ADAMTS9: variants seen among roughly 807,000 people sequenced by gnomAD.
ADAMTS9 encodes A disintegrin and metalloproteinase with thrombospondin motifs 9.
Under a neutral mutation model 257.1 loss-of-function variants are expected in ADAMTS9, and 107 were observed. The ratio of observed to expected loss-of-function variants is 0.42; its 90% CI spans 0.36 to 0.49. The LOEUF is 0.49. Ranked by LOEUF, ADAMTS9 falls within the 20% of genes least tolerant of loss-of-function variation. The pLI, the probability that ADAMTS9 is intolerant of heterozygous loss-of-function variation, is 0.03. For missense variants in ADAMTS9, 2,353 were observed against 2,469.1 expected, an observed-to-expected ratio of 0.95 and a Z score of 1.00; for synonymous variants, 982 against 880.9, an observed-to-expected ratio of 1.11 and a Z score of -2.03.
At chr3:64,540,531 C>T (rs934981187) in intron 36 of ADAMTS9, among the ~76,000 whole-genome samples, 10 of 152,252 alleles carry the variant, frequency 6.6e-5, no homozygotes, top group African/African-American at 2.2e-4. Context: ...ATTAGTTTTA[C>T]GTCTGTGTAA....
chr3:64,677,859 T>C (rs1352081284), intron 3 of ADAMTS9, among the ~76,000 whole-genome samples: 4 of 152,214 alleles, frequency 2.6e-5, no homozygotes, highest in Non-Finnish European at 5.9e-5. Flanking sequence ...GATGGCTAAC[T>C]GAATAAATGC....
In ADAMTS9 at chr3:64,604,349, A is replaced by G. The variant is rs763416198; in HGVS notation, c.3475-18T>C. On this transcript the variant is annotated intron_variant, in intron 23 of 39. Coordinates refer to ENST00000498707, the MANE Select transcript of ADAMTS9 (RefSeq NM_182920.2). Reference sequence around the variant, plus strand: ...TCACAGTCCTAGACGTGATGGGGGAAAAAAAAACAAAGTCACTTTCAAGTC... The same window carrying G: ...TCACAGTCCTAGACGTGATGGGGGAGAAAAAAACAAAGTCACTTTCAAGTC... 2.0e-6 allele frequency: 3 copies of G among 1,531,682 alleles called. No homozygotes were observed. Among genetic ancestry groups the G allele is most frequent in the Non-Finnish European group, 2.7e-6 (3 of 1,129,948 alleles). 94.9% of individuals were successfully genotyped at this position (1,531,682 alleles called of 1,614,324 possible). A position where few individuals can be genotyped will look rare whatever the true frequency, so the allele number is the denominator to read the frequency against.
rs1701959157 is a variant in ADAMTS9, at chr3:64,687,749, G to A, written c.-92C>T. On this transcript the variant is annotated 5_prime_UTR_variant, in exon 1 of 40. Coordinates refer to ENST00000498707, the MANE Select transcript of ADAMTS9 (RefSeq NM_182920.2). The surrounding 1 kb of genome is among the most constrained non-coding windows in gnomAD (Gnocchi z 4.4). ...CGACGCGAGGCAGCGGCCGTGGAGAGCGCGCGGAGCCCGGCGCCCGCCGCC... is the reference window on the plus strand; with the variant it reads ...CGACGCGAGGCAGCGGCCGTGGAGAACGCGCGGAGCCCGGCGCCCGCCGCC... 1 of 1,036,070 alleles carries A rather than the reference G, an allele frequency of 9.7e-7. No individual in the cohort carries two copies. Among genetic ancestry groups the A allele is most frequent in the East Asian group, 3.2e-5 (1 of 31,098 alleles). The allele number at this position is 1,036,070 out of a possible 1,614,324, so 64.2% of individuals were successfully genotyped here.
At chr3:64,525,833 ACTC>A (rs1354277106) in intron 38 of ADAMTS9, among the ~76,000 whole-genome samples, 1 of 151,184 alleles carries the variant, frequency 6.6e-6, no homozygotes. Context: ...CTGGTCTCGA[ACTC>A]CTGACCTCAA....
chr3:64,635,283 A>C (rs545926172), intron 12 of ADAMTS9, among the ~76,000 whole-genome samples: 11 of 152,324 alleles, frequency 7.2e-5, no homozygotes, highest in African/African-American at 2.6e-4. Flanking sequence ...CTTTGCAGTT[A>C]CAAGCTGGGG....
chr3:64,571,085 A>G (rs1465541595), intron 28 of ADAMTS9, among the ~76,000 whole-genome samples: 1 of 152,208 alleles, frequency 6.6e-6, no homozygotes, highest in Non-Finnish European at 1.5e-5. Flanking sequence ...TATATAAGGG[A>G]AAAGAGAGTT....
intron 38 of ADAMTS9, among the ~76,000 whole-genome samples, chr3:64,529,021 T>A (rs771837343): frequency 7.9e-5 from 12 of 152,114 alleles, no homozygotes. Context: ...AAGGGCTGAG[T>A]TGCGGCAGGT....
Position 64,601,987 on chromosome 3 carries a change from T to C in ADAMTS9, c.3974A>G (p.His1325Arg). 1.2e-6 allele frequency: 2 copies of C among 1,613,690 alleles called. No homozygotes were observed. Among genetic ancestry groups the C allele is most frequent in the Non-Finnish European group, 1.7e-6 (2 of 1,179,774 alleles). ...RPRSASPSRT[H>R]VLGGNQWRTG... ...TCTCCACTGGTTTCCACCGAGCACA[T>C]GGGTGCGGCTGGGGCTGGCGCTCCG... The change falls in exon 26 of 40, where the codon CAT becomes CGT. Residue 1325 changes from histidine (H) to arginine (R), a missense_variant. Transcript: ENST00000498707.
intron 3 of ADAMTS9, among the ~76,000 whole-genome samples, chr3:64,659,745 G>A (rs1444699112): frequency 6.6e-6 from 1 of 152,156 alleles, no homozygotes; most frequent in Non-Finnish European, 1.5e-5. Context: ...TGGGCAGGCA[G>A]CTGGGACCAT....
chr3:64,670,041 G>A (rs900089433), intron 3 of ADAMTS9, among the ~76,000 whole-genome samples: 3 of 152,178 alleles, frequency 2.0e-5, no homozygotes, highest in African/African-American at 7.2e-5. Context: ...GATTTATGGA[G>A]TTATATATTC....
intron 11 of ADAMTS9, among the ~76,000 whole-genome samples, chr3:64,646,285 A>T (rs1227659708): frequency 6.6e-6 from 1 of 152,126 alleles, no homozygotes; most frequent in African/African-American, 2.4e-5. Context: ...AACTGGTAGC[A>T]GTTGTTTGGG....
At chr3:64,640,553 T>C (rs1700611980) in intron 12 of ADAMTS9, among the ~76,000 whole-genome samples, 1 of 152,206 alleles carries the variant, frequency 6.6e-6, no homozygotes. Context: ...TAAATGAGAC[T>C]GCTAGGGGAA....
At chr3:64,653,062 A>C (rs907765559) in intron 8 of ADAMTS9, among the ~76,000 whole-genome samples, 1 of 152,230 alleles carries the variant, frequency 6.6e-6, no homozygotes, top group African/African-American at 2.4e-5. Context: ...TATTGCAAAA[A>C]TCTGAGACAA....
intron 3 of ADAMTS9, among the ~76,000 whole-genome samples, chr3:64,672,204 G>A (rs1404703467): frequency 6.6e-6 from 1 of 152,176 alleles, no homozygotes; most frequent in East Asian, 1.9e-4. Context: ...CTATGAAGGT[G>A]AACACATTAT....
rs760167452 is a variant in ADAMTS9, at chr3:64,596,814, G to C, written c.4179+16C>G. The C allele has an allele frequency of 1.9e-6, 3 of 1,613,602 alleles. No homozygotes were observed. ...CACAATTCCTCTGTATTTATAGACG[G>C]ATAGTTCACTCTCACCTCTCCCCAG... On this transcript the variant is annotated intron_variant, in intron 27 of 39. Transcript: ENST00000498707.
intron 31 of ADAMTS9, chr3:64,550,015 C>G (rs1174736712): frequency 6.6e-6 from 1 of 151,958 alleles, no homozygotes; most frequent in East Asian, 2.0e-4. Flanking sequence ...TTTTCAATAC[C>G]TTTACTGTGA....
At chr3:64,578,330 G>T (rs551827851) in intron 28 of ADAMTS9, among the ~76,000 whole-genome samples, 8 of 151,648 alleles carry the variant, frequency 5.3e-5, no homozygotes, top group African/African-American at 1.9e-4. Flanking sequence ...ATGAAAGGAC[G>T]GGATGAGCAG....
intron 3 of ADAMTS9, among the ~76,000 whole-genome samples, chr3:64,679,826 G>T (rs146091027): frequency 7.2e-5 from 11 of 152,314 alleles, no homozygotes; most frequent in African/African-American, 2.2e-4. Context: ...GGTCAAAACT[G>T]TGATAAATGT....
rs34774892 is a variant in ADAMTS9, at chr3:64,686,610, G to A, written c.474C>T (p.Thr158=). The A allele has an allele frequency of 3.7e-4, 597 of 1,613,656 alleles. 2 individuals are homozygous for A. The African/African-American group carries it at 5.2e-3, about 14-fold the overall frequency. ...TGATGACGGCCGTGTGCTCGGAGTT[G>A]GTATTGACATAGCCTTTGTAGAAAC... The part of the protein sequence containing the change: ...KHCFYKGYVN[T]NSEHTAVISL... Residue 158 remains threonine, a synonymous_variant, in exon 2 of 40, where the codon ACC becomes ACT. Coordinates refer to ENST00000498707, the MANE Select transcript of ADAMTS9 (RefSeq NM_182920.2). The surrounding 1 kb of genome is among the most constrained non-coding windows in gnomAD (Gnocchi z 4.6).
Sources: allele counts gnomAD v4.1 joint callset (sites outside exome capture counted in the v4.1 genomes callset), GRCh38; gene constraint gnomAD v4.1.1; non-coding constraint Gnocchi (gnomAD v3.1); transcripts MANE v1.5; gene names NCBI Gene and HGNC (gene_info 2026-07-23, HGNC 2026-07-21).